Variants in DIMT1 observed in about 807,000 individuals in gnomAD.
DIMT1 encodes the protein DIM1 rRNA methyltransferase and ribosome maturation factor.
Under a neutral mutation model 43.2 loss-of-function variants are expected in DIMT1, and 36 were observed. The observed-to-expected ratio is 0.83, with a 90% CI of 0.64 to 1.10. The LOEUF (loss-of-function observed/expected upper bound fraction) is 1.10, where lower values mean the gene tolerates loss of function less well. DIMT1 is among the 50% of genes least tolerant of loss of function. The pLI is 0.00. For synonymous variants in DIMT1, 126 were observed against 130.3 expected (o/e 0.97, Z 0.22); for missense variants, 341 against 385.3 (o/e 0.88, Z 0.96).
At chr5:62,391,012 C>T (rs542444877) in intron 10 of DIMT1, 30 bp from the exon 11 acceptor site, 218 of 1,582,064 alleles carry the variant, frequency 1.4e-4, no homozygotes, top group East Asian at 1.3e-3. Context: ...AATAAATGAA[C>T]GACATATCTT....
At position 62,403,325 on chromosome 5, in the gene DIMT1, A is replaced by T. The variant is rs750651838; in HGVS notation, c.101T>A (p.Ile34Asn). Residue 34 changes from isoleucine to asparagine, a missense_variant, in exon 2 of 12, where the codon ATT (isoleucine) becomes AAT (asparagine). By Grantham distance (149) the Ile-to-Asn change is moderately radical. Coordinates refer to ENST00000199320, the MANE Select transcript of DIMT1 (RefSeq NM_014473.4). ...AGGATTTTTCAAAATGTGCTGCCCA[A>T]TCCCCGTGTTGAACATGAGTCCTGT... ...SAGGLMFNTGIGQHILKNPLI... is the reference protein window; with the variant it reads ...SAGGLMFNTGNGQHILKNPLI... 3 of 1,613,984 alleles carry T rather than the reference A, an allele frequency of 1.9e-6. No homozygotes were observed. In the South Asian group the frequency reaches 3.3e-5, roughly 18 times the overall value.
intron 10 of DIMT1, chr5:62,391,299 ACTC>A (rs1742297875): frequency 8.8e-6 from 2 of 227,360 alleles, no homozygotes; most frequent in Admixed American, 1.0e-4. Flanking sequence ...AGCAATTGTT[ACTC>A]CTTTCAAAAT....
Position 62,398,679 on chromosome 5 carries a change from G to T in DIMT1, c.363C>A (p.Phe121Leu). The T allele has an allele frequency of 6.2e-7, 1 of 1,614,190 alleles. No individual in the cohort carries two copies. Among genetic ancestry groups the T allele is most frequent in the Non-Finnish European group, 8.5e-7 (1 of 1,180,030 alleles). Residue 121 changes from phenylalanine to leucine, a missense_variant, in exon 5 of 12, where the codon TTC becomes TTA. Transcript: ENST00000199320. The stretch of plus-strand genomic sequence containing the variant: ...GCAAATTTGCCACACAAGTATCAAA[G>T]AATGGCAAATCTGTTTTCAGCACAT... Reference protein sequence around the residue: ...VGDVLKTDLPFFDTCVANLPY... With the variant: ...VGDVLKTDLPLFDTCVANLPY...
rs2112028122 is a variant in DIMT1, at chr5:62,388,938, TA to T, written c.*71del. On this transcript the variant is annotated 3_prime_UTR_variant, in exon 12 of 12. Transcript: ENST00000199320. ...TAATGTCTCAGTAAAGCAAAAGCAT[TA>T]TCTTCTCAAATACAAAAAATACAAA... The T allele has an allele frequency of 7.0e-7, 1 of 1,426,730 alleles. No homozygotes were observed. Among genetic ancestry groups the T allele is most frequent in the Admixed American group, 1.9e-5 (1 of 53,888 alleles). The allele number at this position is 1,426,730 out of a possible 1,614,324, so 88.4% of individuals were successfully genotyped here. A position where few individuals can be genotyped will look rare whatever the true frequency, so the allele number is the denominator to read the frequency against.
chr5:62,401,250 C>T lies in DIMT1; in HGVS notation c.240+786G>A, dbSNP rs371351678. Among the ~76,000 whole-genome samples, 126 of 152,166 alleles carry T rather than the reference C, an allele frequency of 8.3e-4. 1 individual carries two copies. The highest frequency in any genetic ancestry group is 2.8e-3 in the African/African-American group (115 of 41,532). Reference sequence around the variant, plus strand: ...GTGGTTCATGCCTGTAATCCCAGCACTTTGGGAAGCCAAAGTTGGCGGATC... The same window carrying T: ...GTGGTTCATGCCTGTAATCCCAGCATTTTGGGAAGCCAAAGTTGGCGGATC... On this transcript the variant is annotated intron_variant, in intron 3 of 11. Coordinates refer to ENST00000199320, the MANE Select transcript of DIMT1 (RefSeq NM_014473.4).
chr5:62,399,043 A>C (rs1452774104), intron 3 of DIMT1, among the ~76,000 whole-genome samples, 162 bp from the exon 4 acceptor site: 8 of 152,242 alleles, frequency 5.3e-5, no homozygotes, highest in African/African-American at 1.9e-4. Context: ...AACAACAAAC[A>C]AAAATGGGCC....
chr5:62,397,116 A>AT (rs1742523721), intron 6 of DIMT1, among the ~76,000 whole-genome samples: 1 of 151,740 alleles, frequency 6.6e-6, no homozygotes, highest in Non-Finnish European at 1.5e-5. Flanking sequence ...TGCCCAGCTA[A>AT]TTTTTTTATT....
chr5:62,403,543 C>T, intron 1 of DIMT1, 151 bp downstream of exon 1: 2 of 994,982 alleles, frequency 2.0e-6, no homozygotes, highest in Non-Finnish European at 1.5e-6. Flanking sequence ...GCAGGGCCTG[C>T]GGCCGAGTCG....
chr5:62,402,459 G>A (rs1321328032), intron 2 of DIMT1, among the ~76,000 whole-genome samples: 2 of 152,182 alleles, frequency 1.3e-5, no homozygotes. Context: ...AAGTTCAAAT[G>A]GGAAAGGACT....
chr5:62,394,146 G>A (rs958992732), intron 7 of DIMT1, 99 bp from the exon 8 acceptor site: 1 of 1,096,758 alleles, frequency 9.1e-7, no homozygotes, highest in African/African-American at 1.6e-5. Context: ...GATGCTCAAG[G>A]ATGAATTAAG....
rs763443006 is a variant in DIMT1 at position 62,390,974 on chromosome 5, T to C, written c.801A>G (p.Pro267=). 6.2e-6 allele frequency: 10 copies of C among 1,612,646 alleles called. No homozygotes were observed. The East Asian group carries it at 2.0e-4, about 32-fold the overall frequency. ...IHCSVHNIII[P]EDFSIADKIQ... ...TTTTATCTGCTATGCTGAAATCTTC[T>C]GGTATTATCTATCAATATAAGATTC... Residue 267 remains proline (P), a synonymous_variant, in exon 11 of 12, where the codon CCA becomes CCG. Coordinates refer to ENST00000199320, the MANE Select transcript of DIMT1 (RefSeq NM_014473.4).
chr5:62,397,639 T>C (rs1022872539), intron 6 of DIMT1, among the ~76,000 whole-genome samples: 1 of 151,044 alleles, frequency 6.6e-6, no homozygotes, highest in African/African-American at 2.4e-5. Context: ...CTTTGGGATA[T>C]TGTCCCCATA....
rs928856001 is a variant in DIMT1, at chr5:62,403,895, G to A, written c.-123C>T. The A allele has an allele frequency of 1.9e-6, 2 of 1,029,084 alleles. No individual in the cohort carries two copies. The highest frequency in any genetic ancestry group is 1.6e-5 in the African/African-American group (1 of 61,760). 63.7% of individuals were successfully genotyped at this position (1,029,084 alleles called of 1,614,324 possible). ...CCCGCACCACTCTGGCCCAAGCGCCGGAGGGGCAAGGGTCCGCCCCCTCCC... is the reference window on the plus strand; with the variant it reads ...CCCGCACCACTCTGGCCCAAGCGCCAGAGGGGCAAGGGTCCGCCCCCTCCC... On this transcript the variant is annotated 5_prime_UTR_variant, in exon 1 of 12. Transcript: ENST00000199320.
intron 3 of DIMT1, among the ~76,000 whole-genome samples, chr5:62,400,052 CAT>C (rs1029520318): frequency 1.6e-4 from 25 of 152,128 alleles, no homozygotes; most frequent in Admixed American, 3.3e-4. Context: ...AAATACACTA[CAT>C]GTCTCTGCAG....
chr5:62,394,872 A>G (rs887611164), intron 6 of DIMT1, among the ~76,000 whole-genome samples: 17 of 152,310 alleles, frequency 1.1e-4, no homozygotes, highest in African/African-American at 3.6e-4. Context: ...GCACTAGTCC[A>G]TCACCTCTTC....
chr5:62,393,966 T>G lies in DIMT1; in HGVS notation c.652A>C (p.Ile218Leu). The G allele has an allele frequency of 1.2e-6, 2 of 1,607,598 alleles. No homozygotes were observed. The highest frequency in any genetic ancestry group is 2.2e-5 in the South Asian group (2 of 89,338). The change falls in exon 8 of 12, where the codon ATC (isoleucine) becomes CTC (leucine). Residue 218 changes from isoleucine (I) to leucine (L), a missense_variant. Physicochemically the swap from Ile to Leu is conservative, Grantham distance 5. Transcript: ENST00000199320. The part of the protein sequence containing the change: ...RIEPKNPPPP[I>L]NFQEWDGLVR... The stretch of plus-strand genomic sequence containing the variant: ...TATTTTAACCTCACCTGAAAATTGA[T>G]GGGTGGTGGTGGATTCTTAGGTTCT...
intron 2 of DIMT1, 84 bp from the exon 3 acceptor site, chr5:62,402,206 T>C: frequency 7.4e-7 from 1 of 1,352,798 alleles, no homozygotes; most frequent in Non-Finnish European, 1.0e-6. Context: ...TTTACTCATA[T>C]GTGCTCCGAT....
Position 62,388,968 on chromosome 5 carries a change from C to CAT in DIMT1, c.*40_*41dup. 6.4e-7 allele frequency: 1 copy of CAT among 1,558,792 alleles called. No individual in the cohort carries two copies. Among genetic ancestry groups the CAT allele is most frequent in the Non-Finnish European group, 8.8e-7 (1 of 1,138,104 alleles). The stretch of plus-strand genomic sequence containing the variant: ...TCTCAAATACAAAAAATACAAAATT[C>CAT]ATTTCTTTTCTTGACCTTGAAAATT... On this transcript the variant is annotated 3_prime_UTR_variant, in exon 12 of 12. Transcript: ENST00000199320.
At chr5:62,389,507 GTTATTGTCTGACT>G (rs1742201326) in intron 11 of DIMT1, among the ~76,000 whole-genome samples, 1 of 95,948 alleles carries the variant, frequency 1.0e-5, no homozygotes, top group African/African-American at 4.6e-5. Context: ...AAAAAGAAAT[GTTATTGTCTGACT>G]AAATTTATAA....
Sources: gnomAD v4.1 joint callset for allele counts (sites outside exome capture counted in the v4.1 genomes callset) on GRCh38, gnomAD v4.1.1 for gene constraint, MANE v1.5 for transcripts, NCBI Gene and HGNC (gene_info 2026-07-23, HGNC 2026-07-21) for gene names.